The following ZNF277 variants were observed in gnomAD, a reference collection of about 807,000 sequenced individuals.
The protein encoded by ZNF277 is zinc finger protein 277.
ZNF277 carries 55 observed loss-of-function variants against 60.7 expected under a neutral mutation model. The ratio of observed to expected loss-of-function variants is 0.91; its 90% CI spans 0.73 to 1.13. The LOEUF is 1.13. Ranked by LOEUF, ZNF277 falls within the 50% of genes most tolerant of loss-of-function variation. ZNF277 has a pLI of 0.00. For synonymous variants in ZNF277, 178 were observed against 179.3 expected, an observed-to-expected ratio of 0.99 and a Z score of 0.06; for missense variants, 510 against 523.0, an observed-to-expected ratio of 0.98 and a Z score of 0.24.
chr7:112,320,917 C>CTTTTTTTTTTTTTTT (rs1230552751), intron 5 of ZNF277, among the ~76,000 whole-genome samples: 6 of 98,380 alleles, frequency 6.1e-5, no homozygotes, highest in African/African-American at 7.9e-5. Flanking sequence ...TTGTTTCTTT[C>CTTTTTTTTTTTTTTT]TTTTTTTTTT....
intron 1 of ZNF277, among the ~76,000 whole-genome samples, chr7:112,268,965 G>A (rs1433636805): frequency 1.3e-5 from 2 of 152,116 alleles, no homozygotes; most frequent in Non-Finnish European, 2.9e-5. Flanking sequence ...ACCCACAGAA[G>A]TGTAAGCTAA....
intron 4 of ZNF277, among the ~76,000 whole-genome samples, chr7:112,304,008 G>A (rs1584394372): frequency 6.6e-6 from 1 of 152,040 alleles, no homozygotes; most frequent in African/African-American, 2.4e-5. Flanking sequence ...GGATTTGGGG[G>A]TGTATATCAT....
intron 1 of ZNF277, among the ~76,000 whole-genome samples, chr7:112,275,467 A>G (rs1361331499): frequency 6.6e-6 from 1 of 152,160 alleles, no homozygotes; most frequent in Non-Finnish European, 1.5e-5. Context: ...TTCCTTTTAG[A>G]TTCTAAATCT....
chr7:112,299,620 A>G (rs1291336994), intron 4 of ZNF277, among the ~76,000 whole-genome samples: 2 of 152,222 alleles, frequency 1.3e-5, no homozygotes, highest in Admixed American at 6.5e-5. Context: ...TACTTTATCA[A>G]ACAATTTTTT....
At chr7:112,293,203 G>C (rs1792248364) in intron 2 of ZNF277, among the ~76,000 whole-genome samples, 1 of 152,086 alleles carries the variant, frequency 6.6e-6, no homozygotes, top group Non-Finnish European at 1.5e-5. Context: ...TTTGACCACT[G>C]TCTTAATTTA....
At chr7:112,254,373 G>A (rs1257408012) in intron 1 of ZNF277, among the ~76,000 whole-genome samples, 1 of 152,078 alleles carries the variant, frequency 6.6e-6, no homozygotes, top group East Asian at 1.9e-4. Context: ...CTGTTTAAAC[G>A]AGTCCTCCAG....
intron 1 of ZNF277, among the ~76,000 whole-genome samples, chr7:112,228,355 A>G (rs923626517): frequency 1.3e-5 from 2 of 150,504 alleles, no homozygotes; most frequent in Admixed American, 6.7e-5. Context: ...AACTACGTCT[A>G]TTGAATATAT....
chr7:112,252,618 G>T (rs1791224996), intron 1 of ZNF277, among the ~76,000 whole-genome samples: 1 of 152,108 alleles, frequency 6.6e-6, no homozygotes, highest in Non-Finnish European at 1.5e-5. Context: ...GAATCTGGGG[G>T]CATACAATAT....
intron 1 of ZNF277, among the ~76,000 whole-genome samples, chr7:112,262,247 C>CAAAA (rs376386868): frequency 2.6e-5 from 2 of 77,670 alleles, no homozygotes; most frequent in African/African-American, 4.3e-5. Context: ...AAAAGCAATA[C>CAAAA]AAAAAAAAAA....
intron 3 of ZNF277, 21 bp downstream of exon 3, chr7:112,295,978 C>T: frequency 6.6e-7 from 1 of 1,519,988 alleles, no homozygotes; most frequent in South Asian, 1.1e-5. Flanking sequence ...ATCTTGGCTA[C>T]CATCTTTTCC....
chr7:112,336,111 G>A lies in ZNF277; in HGVS notation c.809G>A (p.Gly270Glu). The change falls in exon 8 of 12, where the codon GGA becomes GAA. Residue 270 changes from glycine to glutamate, a missense_variant. By Grantham distance (98) the Gly-to-Glu change is moderately conservative. Transcript: ENST00000361822. Reference sequence around the variant, plus strand: ...TCTGTTCTTCCTACAAAGGAACTTGGAAAATCGTGGGAAGAAGTTCAGTTG... The same window carrying A: ...TCTGTTCTTCCTACAAAGGAACTTGAAAAATCGTGGGAAGAAGTTCAGTTG... ...RFYVINYLEL[G>E]KSWEEVQLED... is the part of the protein sequence containing the mutation. 1.2e-6 allele frequency: 2 copies of A among 1,610,370 alleles called. No homozygotes were observed. The highest frequency in any genetic ancestry group is 1.7e-4 in the Middle Eastern group (1 of 6,052).
chr7:112,266,432 T>G (rs1791552219), intron 1 of ZNF277, among the ~76,000 whole-genome samples: 1 of 152,072 alleles, frequency 6.6e-6, no homozygotes, highest in Non-Finnish European at 1.5e-5. Context: ...CAGGCAAGAG[T>G]CACAGTGCCC....
At chr7:112,301,974 T>C (rs952671094) in intron 4 of ZNF277, among the ~76,000 whole-genome samples, 10 of 152,140 alleles carry the variant, frequency 6.6e-5, no homozygotes, top group African/African-American at 2.2e-4. Flanking sequence ...CATTACACTT[T>C]GCACTTCAAC....
At chr7:112,225,487 T>C (rs774787603) in intron 1 of ZNF277, among the ~76,000 whole-genome samples, 1 of 152,240 alleles carries the variant, frequency 6.6e-6, no homozygotes, top group Non-Finnish European at 1.5e-5. Context: ...TGAAATACTT[T>C]AGAGTTTATT....
At chr7:112,309,236 G>A (rs1037062716) in intron 4 of ZNF277, among the ~76,000 whole-genome samples, 1 of 151,916 alleles carries the variant, frequency 6.6e-6, no homozygotes, top group East Asian at 1.9e-4. Flanking sequence ...ATCTCCTGAA[G>A]CCTGTGCCTC....
chr7:112,267,055 C>T (rs1362169179), intron 1 of ZNF277, among the ~76,000 whole-genome samples: 1 of 152,054 alleles, frequency 6.6e-6, no homozygotes, highest in African/African-American at 2.4e-5. Context: ...GGTAATAATG[C>T]TTCCCAAAGT....
intron 5 of ZNF277, among the ~76,000 whole-genome samples, chr7:112,319,349 A>G (rs900812985): frequency 6.6e-6 from 1 of 152,062 alleles, no homozygotes; most frequent in Non-Finnish European, 1.5e-5. Context: ...AAAAATTACT[A>G]GAAACTTTGT....
intron 1 of ZNF277, among the ~76,000 whole-genome samples, chr7:112,253,423 G>T (rs1221692972): frequency 6.6e-6 from 1 of 152,052 alleles, no homozygotes; most frequent in African/African-American, 2.4e-5. Flanking sequence ...AATTTCTAAC[G>T]ATACTTGCTA....
chr7:112,267,070 TA>T (rs1230361504), intron 1 of ZNF277, among the ~76,000 whole-genome samples: 1 of 152,162 alleles, frequency 6.6e-6, no homozygotes, highest in Non-Finnish European at 1.5e-5. Flanking sequence ...CAAAGTATTA[TA>T]ACAATATTCT....
Sources: allele counts gnomAD v4.1 joint callset (sites outside exome capture counted in the v4.1 genomes callset), GRCh38; gene constraint gnomAD v4.1.1; transcripts MANE v1.5; gene names NCBI Gene and HGNC (gene_info 2026-07-23, HGNC 2026-07-21).